LRRC37A: variants seen among roughly 807,000 people sequenced by gnomAD.
LRRC37A encodes the protein leucine rich repeat containing 37A.
A neutral mutation model predicts 35.4 loss-of-function variants in LRRC37A; 3 were observed. That is an observed-to-expected ratio of 0.08 (90% CI 0.04 to 0.22). The LOEUF (loss-of-function observed/expected upper bound fraction) is 0.22, where lower values mean the gene tolerates loss of function less well. LRRC37A is among the 10% of genes least tolerant of loss of function. LRRC37A has a pLI of 1.00. For missense variants in LRRC37A, 67 were observed against 565.3 expected (o/e 0.12, Z 8.94); for synonymous variants, 23 against 215.0 (o/e 0.11, Z 7.81).
upstream of LRRC37A, among the ~76,000 whole-genome samples, chr17:46,292,446 G>C (rs533081956): frequency 8.6e-5 from 7 of 81,112 alleles, 2 homozygotes; most frequent in South Asian, 3.9e-3. Context: ...TTCATTCTCA[G>C]GAAAATGTGA....
chr17:46,259,019 ATTTTTTTTTT>A, the LRRC37A span, among the ~76,000 whole-genome samples: 110 of 79,446 alleles, frequency 1.4e-3, no homozygotes, highest in Admixed American at 1.9e-3. Context: ...CACCCGGCCT[ATTTTTTTTTT>A]TTTTTTTTTT....
rs1403198186 is a variant in LRRC37A at position 46,331,206 on chromosome 17, C to T, written c.3929C>T (p.Thr1310Ile). 6.9e-6 allele frequency: 5 copies of T among 727,946 alleles called. 2 individuals are homozygous for T. The highest frequency in any genetic ancestry group is 5.7e-5 in the Admixed American group (2 of 35,094). 45.1% of individuals were successfully genotyped at this position (727,946 alleles called of 1,614,324 possible). A position where few individuals can be genotyped will look rare whatever the true frequency, so the allele number is the denominator to read the frequency against. The change falls in exon 9 of 14, where the codon ACT (threonine) becomes ATT (isoleucine). Residue 1310 changes from threonine to isoleucine, a missense_variant. By Grantham distance (89) the Thr-to-Ile change is moderately conservative. Transcript: ENST00000320254. ...AGAAAAAAATACCGCTTTCACAAAA[C>T]TCGCTCCCACGTGACCCACAGAACA... is the stretch of plus-strand genomic sequence containing the variant.
At chr17:46,283,818 G>A in the LRRC37A span, among the ~76,000 whole-genome samples, 1 of 152,228 alleles carries the variant, frequency 6.6e-6, no homozygotes, top group Non-Finnish European at 1.5e-5. Context: ...CTCGGAGAGG[G>A]GGATGTGTCA....
upstream of LRRC37A, chr17:46,292,787 A>C (rs1295927737): frequency 2.5e-5 from 2 of 78,682 alleles, no homozygotes; most frequent in African/African-American, 6.5e-5. Flanking sequence ...AATATCTCCC[A>C]CGTATCTTGG....
At chr17:46,256,686 G>A in the LRRC37A span, among the ~76,000 whole-genome samples, 21,623 of 151,704 alleles carry the variant, frequency 0.14, 2,111 homozygotes, top group Non-Finnish European at 0.22. Flanking sequence ...GTTACTTAAT[G>A]GAGGAAGGAG....
upstream of LRRC37A, among the ~76,000 whole-genome samples, chr17:46,288,761 T>C (rs1351614590): frequency 6.6e-6 from 1 of 151,414 alleles, no homozygotes; most frequent in East Asian, 2.0e-4. Flanking sequence ...TAGAGTGCAG[T>C]GGCACAATCT....
At chr17:46,276,453 A>G in the LRRC37A span, among the ~76,000 whole-genome samples, 2 of 152,252 alleles carry the variant, frequency 1.3e-5, no homozygotes, top group Non-Finnish European at 2.9e-5. Context: ...AAGGTACAAT[A>G]AAACAGTGAC....
chr17:46,281,775 CTGGGATTACAGG>C, the LRRC37A span, among the ~76,000 whole-genome samples: 1 of 152,000 alleles, frequency 6.6e-6, no homozygotes, highest in South Asian at 2.1e-4. Context: ...ACCTGAGTAG[CTGGGATTACAGG>C]TGTGCATCAC....
the LRRC37A span, among the ~76,000 whole-genome samples, chr17:46,267,893 CTTTTTTTTTTTTTT>C: frequency 3.4e-5 from 3 of 89,280 alleles, no homozygotes; most frequent in Admixed American, 2.3e-4. Context: ...ACTCCCACAT[CTTTTTTTTTTTTTT>C]TTTTTTTTTT....
chr17:46,280,151 T>C, the LRRC37A span, among the ~76,000 whole-genome samples: 15,774 of 145,664 alleles, frequency 0.11, 2 homozygotes, highest in Middle Eastern at 0.18. Context: ...GGCAGGTGGA[T>C]CACTTGCCTT....
chr17:46,294,006 C>T (rs2050145799), upstream of LRRC37A: 2 of 107,194 alleles, frequency 1.9e-5, 1 homozygote, highest in Non-Finnish European at 4.2e-5. Flanking sequence ...CCTGCTTTGG[C>T]CTCCTGAGTA....
upstream of LRRC37A, among the ~76,000 whole-genome samples, chr17:46,291,732 C>T (rs1432777246): frequency 6.6e-6 from 1 of 151,892 alleles, no homozygotes; most frequent in African/African-American, 2.4e-5. Flanking sequence ...TGAGACCAGC[C>T]TGGGCAACAT....
upstream of LRRC37A, among the ~76,000 whole-genome samples, chr17:46,290,462 AC>A (rs1464494944): frequency 6.6e-6 from 1 of 152,146 alleles, no homozygotes; most frequent in Non-Finnish European, 1.5e-5. Context: ...CTCTGAAGCT[AC>A]AGTTTTTTGT....
chr17:46,277,234 A>C, the LRRC37A span, among the ~76,000 whole-genome samples: 3 of 152,208 alleles, frequency 2.0e-5, no homozygotes, highest in Non-Finnish European at 2.9e-5. Context: ...AGACATCCTA[A>C]GTGGCCCCTA....
chr17:46,279,124 C>T, the LRRC37A span, among the ~76,000 whole-genome samples: 1 of 151,740 alleles, frequency 6.6e-6, no homozygotes, highest in Non-Finnish European at 1.5e-5. Context: ...ATTATTACGA[C>T]AATGTAAATA....
At chr17:46,280,136 G>C in the LRRC37A span, among the ~76,000 whole-genome samples, 2 of 152,246 alleles carry the variant, frequency 1.3e-5, no homozygotes, top group Non-Finnish European at 2.9e-5. Flanking sequence ...ACTTTGGGAG[G>C]CCAGGGCAGG....
the LRRC37A span, chr17:46,267,634 A>G: frequency 7.1e-7 from 1 of 1,414,744 alleles, no homozygotes; most frequent in Non-Finnish European, 9.9e-7. Context: ...GATGGGGGAC[A>G]GTATTGTAAC....
At chr17:46,262,701 A>G in the LRRC37A span, among the ~76,000 whole-genome samples, 1 of 151,822 alleles carries the variant, frequency 6.6e-6, no homozygotes, top group Non-Finnish European at 1.5e-5. Flanking sequence ...CAGGAGAATC[A>G]CTTGAACCGG....
chr17:46,312,618 T>C (rs2050858725), intron 5 of LRRC37A, among the ~76,000 whole-genome samples: 1 of 80,110 alleles, frequency 1.2e-5, no homozygotes, highest in Non-Finnish European at 2.6e-5. Context: ...TACATTCATT[T>C]TTAATAGCTG....
Sources: allele counts gnomAD v4.1 joint callset (sites outside exome capture counted in the v4.1 genomes callset), GRCh38; gene constraint gnomAD v4.1.1; transcripts MANE v1.5; gene names NCBI Gene and HGNC (gene_info 2026-07-23, HGNC 2026-07-21).